RPP25: variants seen among roughly 807,000 people sequenced by gnomAD.
The protein encoded by RPP25 is ribonuclease P/MRP subunit p25.
In RPP25, 2 loss-of-function variants were observed where a neutral mutation model predicts 4.4. That is an observed-to-expected ratio of 0.45 (90% CI 0.19 to 1.43). The LOEUF is 1.43. RPP25 is among the 40% of genes most tolerant of loss of function. The pLI is 0.26. For missense variants in RPP25, 319 were observed against 293.8 expected (o/e 1.09, Z -0.63); for synonymous variants, 144 against 136.2 (o/e 1.06, Z -0.40).
Position 74,956,586 on chromosome 15 carries a change from G to C in RPP25, c.-3C>G. The C allele has an allele frequency of 6.9e-7, 1 of 1,444,602 alleles. No individual in the cohort carries two copies. Among genetic ancestry groups the C allele is most frequent in the African/African-American group, 1.5e-5 (1 of 66,908 alleles). The allele number at this position is 1,444,602 out of a possible 1,614,324, so 89.5% of individuals were successfully genotyped here. ...CGCACCTTACGGAAGTTCTCCATGC[G>C]CCGTCGTCGCCGGGACCGCCGGCTT... On this transcript the variant is annotated 5_prime_UTR_variant, in exon 1 of 1. Coordinates refer to ENST00000322177, the MANE Select transcript of RPP25 (RefSeq NM_017793.3).
rs1212354360 is a variant in RPP25, at chr15:74,956,486, G to A, written c.98C>T (p.Pro33Leu). The change falls in exon 1 of 1, where the codon CCG becomes CTG. Residue 33 changes from proline to leucine, a missense_variant. Transcript: ENST00000322177. ...PGSGPFADLA[P>L]GAVHMRVKEG... ...CTTGACCCGCATGTGCACCGCGCCC[G>A]GCGCCAGGTCTGCGAAGGGGCCGGA... 1.3e-6 allele frequency: 2 copies of A among 1,549,478 alleles called. No homozygotes were observed. Among genetic ancestry groups the A allele is most frequent in the Non-Finnish European group, 1.7e-6 (2 of 1,150,670 alleles).
rs2065466213 is a variant in RPP25 at position 74,955,868 on chromosome 15, G to A, written c.*116C>T. ...AGGTCCATGCTACCTGTCTTGAGGAGCTGTGTCCAGGTTGTGGGCTCCGGA... is the reference window on the plus strand; with the variant it reads ...AGGTCCATGCTACCTGTCTTGAGGAACTGTGTCCAGGTTGTGGGCTCCGGA... On this transcript the variant is annotated 3_prime_UTR_variant, in exon 1 of 1. Coordinates refer to ENST00000322177, the MANE Select transcript of RPP25 (RefSeq NM_017793.3). 7.1e-7 allele frequency: 1 copy of A among 1,398,916 alleles called. No homozygotes were observed. The highest frequency in any genetic ancestry group is 2.2e-5 in the Admixed American group (1 of 45,020). 86.7% of individuals were successfully genotyped at this position (1,398,916 alleles called of 1,614,324 possible). A position where few individuals can be genotyped will look rare whatever the true frequency, so the allele number is the denominator to read the frequency against.
At position 74,956,051 on chromosome 15, in the gene RPP25, G is replaced by C. The variant is rs377390980; in HGVS notation, c.533C>G (p.Ala178Gly). The C allele has an allele frequency of 2.5e-5, 40 of 1,611,270 alleles. No individual in the cohort carries two copies. The highest frequency in any genetic ancestry group is 3.3e-5 in the Non-Finnish European group (39 of 1,179,440). Residue 178 changes from alanine to glycine, a missense_variant, in exon 1 of 1, where the codon GCT becomes GGT. By Grantham distance (60) the Ala-to-Gly change is moderately conservative (BLOSUM62 0). Coordinates refer to ENST00000322177, the MANE Select transcript of RPP25 (RefSeq NM_017793.3). ...CGATCGCTTCGCGGAGCCTTCTCCA[G>C]CTGCGGGTTCCCCTAGGCTCCTCTT... ...ASKRSLGEPA[A>G]GEGSAKRSQP...
chr15:74,956,240 T>A lies in RPP25; in HGVS notation c.344A>T (p.Gln115Leu), dbSNP rs1330998198. 1 of 1,572,508 alleles carries A rather than the reference T, an allele frequency of 6.4e-7. No homozygotes were observed. The highest frequency in any genetic ancestry group is 8.6e-7 in the Non-Finnish European group (1 of 1,159,130). Reference sequence around the variant, plus strand: ...GGCCGGCTCGCCAGGCGTCTGACCCTGCGTGGGCCCAGGCGGGAGGCTCTG... The same window carrying A: ...GGCCGGCTCGCCAGGCGTCTGACCCAGCGTGGGCCCAGGCGGGAGGCTCTG... The part of the protein sequence containing the change: ...VWQSLPPGPT[Q>L]GQTPGEPAAS... Residue 115 changes from glutamine to leucine, a missense_variant, in exon 1 of 1, where the codon CAG (glutamine) becomes CTG (leucine). Physicochemically the swap from Gln to Leu is moderately radical, Grantham distance 113. Transcript: ENST00000322177.
At position 74,956,298 on chromosome 15, in the gene RPP25, G is replaced by T; in HGVS notation, c.286C>A (p.Arg96=). ...TCGCGTACGCTCCGGTAGCGCAGCC[G>T]CGTGACCTGGTGCAGGCCCGCCAGG... is the stretch of plus-strand genomic sequence containing the variant. The part of the protein sequence containing the change: ...RRLAGLHQVT[R]LRYRSVREVW... Residue 96 remains arginine (R), a synonymous_variant, in exon 1 of 1, where the codon CGG becomes AGG. Coordinates refer to ENST00000322177, the MANE Select transcript of RPP25 (RefSeq NM_017793.3). The T allele has an allele frequency of 1.2e-6, 2 of 1,600,146 alleles. No individual in the cohort carries two copies. Among genetic ancestry groups the T allele is most frequent in the African/African-American group, 2.7e-5 (2 of 74,940 alleles).
At position 74,956,368 on chromosome 15, in the gene RPP25, C is replaced by A; in HGVS notation, c.216G>T (p.Arg72=). The change falls in exon 1 of 1, where the codon CGG becomes CGT. Residue 72 remains arginine, a synonymous_variant. Transcript: ENST00000322177. Reference sequence around the variant, plus strand: ...CGCACGTGACGGTTTTGGTGGTGGCCCGGCCGCAGCCGCTGAAGACGATGG... The same window carrying A: ...CGCACGTGACGGTTTTGGTGGTGGCACGGCCGCAGCCGCTGAAGACGATGG... The part of the protein sequence containing the change: ...TRAIVFSGCG[R]ATTKTVTCAE... 6.2e-7 allele frequency: 1 copy of A among 1,602,644 alleles called. No individual in the cohort carries two copies. The highest frequency in any genetic ancestry group is 8.5e-7 in the Non-Finnish European group (1 of 1,178,512).
chr15:74,955,797 G>A lies in RPP25; in HGVS notation c.*187C>T, dbSNP rs2065465733. On this transcript the variant is annotated 3_prime_UTR_variant, in exon 1 of 1. Transcript: ENST00000322177. ...CGCACGAAGTTTCCCTAGGGTGGTC[G>A]GGGATCCTCTCCTGCCACTCCTGGG... The A allele has an allele frequency of 7.1e-6, 5 of 707,782 alleles. No individual in the cohort carries two copies. Among genetic ancestry groups the A allele is most frequent in the Non-Finnish European group, 1.1e-5 (5 of 438,596 alleles). The allele number at this position is 707,782 out of a possible 1,614,324, so 43.8% of individuals were successfully genotyped here.
Position 74,955,894 on chromosome 15 carries a change from G to A in RPP25, c.*90C>T, listed in dbSNP as rs2065467255. 6.5e-7 allele frequency: 1 copy of A among 1,534,354 alleles called. No homozygotes were observed. The highest frequency in any genetic ancestry group is 8.8e-7 in the Non-Finnish European group (1 of 1,135,842). On this transcript the variant is annotated 3_prime_UTR_variant, in exon 1 of 1. Coordinates refer to ENST00000322177, the MANE Select transcript of RPP25 (RefSeq NM_017793.3). ...CTGTGTCCAGGTTGTGGGCTCCGGA[G>A]GACCGAGGAGTGAAAGGCTGGAGGT... is the stretch of plus-strand genomic sequence containing the variant.
chr15:74,956,086 C>A lies in RPP25; in HGVS notation c.498G>T (p.Ala166=), dbSNP rs1274911669. ...PHPGPSSPPA[A]PASKRSLGEP... is the part of the protein sequence containing the mutation. ...CCCCTAGGCTCCTCTTGGACGCTGGCGCGGCTGGCGGGGACGAGGGACCAG... is the reference window on the plus strand; with the variant it reads ...CCCCTAGGCTCCTCTTGGACGCTGGAGCGGCTGGCGGGGACGAGGGACCAG... The change falls in exon 1 of 1, where the codon GCG becomes GCT. Residue 166 remains alanine, a synonymous_variant. Transcript: ENST00000322177. 3 of 1,609,982 alleles carry A rather than the reference C, an allele frequency of 1.9e-6. No individual in the cohort carries two copies. Among genetic ancestry groups the A allele is most frequent in the Non-Finnish European group, 2.5e-6 (3 of 1,178,964 alleles).
In RPP25 at chr15:74,954,697, G is replaced by A. The variant is rs1432016794; in HGVS notation, c.*1287C>T. ...AGGGCTGGAGGCAGCAGCTTATCAG[G>A]AGGCCTGCAGTGATTCACAGCCCAA... On this transcript the variant is annotated 3_prime_UTR_variant, in exon 1 of 1. Transcript: ENST00000322177. 5 of 152,202 alleles carry A rather than the reference G, an allele frequency of 3.3e-5. No individual in the cohort carries two copies. The highest frequency in any genetic ancestry group is 1.2e-4 in the African/African-American group (5 of 41,432). The allele number at this position is 152,202 out of a possible 1,614,324, so 9.4% of individuals were successfully genotyped here. A position where few individuals can be genotyped will look rare whatever the true frequency, so the allele number is the denominator to read the frequency against.
In RPP25 at chr15:74,955,971, A is replaced by AGTTT. The variant is rs1381283845; in HGVS notation, c.*12_*13insAAAC. 6 of 1,612,352 alleles carry AGTTT rather than the reference A, an allele frequency of 3.7e-6. No individual in the cohort carries two copies. Among genetic ancestry groups the AGTTT allele is most frequent in the Non-Finnish European group, 5.1e-6 (6 of 1,179,794 alleles). ...AAGATCCTGCCGGACTAGGTGGCCC[A>AGTTT]CAGTCCGGAGTTTCAGGCCGTCTGA... On this transcript the variant is annotated 3_prime_UTR_variant, in exon 1 of 1. Transcript: ENST00000322177.
At position 74,956,048 on chromosome 15, in the gene RPP25, C is replaced by T; in HGVS notation, c.536G>A (p.Gly179Glu). ...SKRSLGEPAA[G>E]EGSAKRSQPE... ...TTGCGATCGCTTCGCGGAGCCTTCT[C>T]CAGCTGCGGGTTCCCCTAGGCTCCT... Residue 179 changes from glycine to glutamate, a missense_variant, in exon 1 of 1, where the codon GGA becomes GAA. Transcript: ENST00000322177. 1 of 1,611,488 alleles carries T rather than the reference C, an allele frequency of 6.2e-7. No homozygotes were observed. The highest frequency in any genetic ancestry group is 8.5e-7 in the Non-Finnish European group (1 of 1,179,460).
In RPP25 at chr15:74,956,652, G is replaced by A. The variant is rs1342763552; in HGVS notation, c.-69C>T. On this transcript the variant is annotated 5_prime_UTR_variant, in exon 1 of 1. Coordinates refer to ENST00000322177, the MANE Select transcript of RPP25 (RefSeq NM_017793.3). Reference sequence around the variant, plus strand: ...TCAGCCCCGGGGCTGCATGGCCGCCGGTCGCGCCTTGCAAGGGCCAGCAGG... The same window carrying A: ...TCAGCCCCGGGGCTGCATGGCCGCCAGTCGCGCCTTGCAAGGGCCAGCAGG... 2.9e-6 allele frequency: 4 copies of A among 1,374,120 alleles called. No individual in the cohort carries two copies. The highest frequency in any genetic ancestry group is 3.8e-5 in the Admixed American group (1 of 26,476). The allele number at this position is 1,374,120 out of a possible 1,614,324, so 85.1% of individuals were successfully genotyped here.
Position 74,955,701 on chromosome 15 carries a change from TC to T in RPP25, c.*282del. 1 of 487,452 alleles carries T rather than the reference TC, an allele frequency of 2.1e-6. No individual in the cohort carries two copies. 30.2% of individuals were successfully genotyped at this position (487,452 alleles called of 1,614,324 possible). A position where few individuals can be genotyped will look rare whatever the true frequency, so the allele number is the denominator to read the frequency against. Reference sequence around the variant, plus strand: ...TCCAGAATCCCACTGTCCACCATTCTCCCCCAAAGAAGGTCCCAGAAAAGGT... The same window carrying T: ...TCCAGAATCCCACTGTCCACCATTCTCCCCAAAGAAGGTCCCAGAAAAGGT... On this transcript the variant is annotated 3_prime_UTR_variant, in exon 1 of 1. Coordinates refer to ENST00000322177, the MANE Select transcript of RPP25 (RefSeq NM_017793.3).
At position 74,955,910 on chromosome 15, in the gene RPP25, G is replaced by A. The variant is rs1234968395; in HGVS notation, c.*74C>T. 1.9e-6 allele frequency: 3 copies of A among 1,584,596 alleles called. No homozygotes were observed. The highest frequency in any genetic ancestry group is 1.1e-5 in the South Asian group (1 of 87,418). ...GGCTCCGGAGGACCGAGGAGTGAAA[G>A]GCTGGAGGTACATCTGAAGGTGGAG... On this transcript the variant is annotated 3_prime_UTR_variant, in exon 1 of 1. Coordinates refer to ENST00000322177, the MANE Select transcript of RPP25 (RefSeq NM_017793.3).
chr15:74,956,517 G>T lies in RPP25; in HGVS notation c.67C>A (p.Pro23Thr). The change falls in exon 1 of 1, where the codon CCG becomes ACG. Residue 23 changes from proline (P) to threonine (T), a missense_variant. By Grantham distance (38) the Pro-to-Thr change is conservative. Coordinates refer to ENST00000322177, the MANE Select transcript of RPP25 (RefSeq NM_017793.3). Reference sequence around the variant, plus strand: ...AGGTCTGCGAAGGGGCCGGAGCCCGGGCCGCCTCCCTCGGCCCCGCACCCC... The same window carrying T: ...AGGTCTGCGAAGGGGCCGGAGCCCGTGCCGCCTCCCTCGGCCCCGCACCCC... Reference protein sequence around the residue: ...PAGCGAEGGGPGSGPFADLAP... With the variant: ...PAGCGAEGGGTGSGPFADLAP... 1 of 1,532,216 alleles carries T rather than the reference G, an allele frequency of 6.5e-7. No homozygotes were observed. 94.9% of individuals were successfully genotyped at this position (1,532,216 alleles called of 1,614,324 possible). A position where few individuals can be genotyped will look rare whatever the true frequency, so the allele number is the denominator to read the frequency against.
At position 74,956,257 on chromosome 15, in the gene RPP25, G is replaced by A. The variant is rs2065469902; in HGVS notation, c.327C>T (p.Leu109=). ...TCTGACCCTGCGTGGGCCCAGGCGGGAGGCTCTGCCACACCTCGCGTACGC... is the reference window on the plus strand; with the variant it reads ...TCTGACCCTGCGTGGGCCCAGGCGGAAGGCTCTGCCACACCTCGCGTACGC... ...YRSVREVWQS[L]PPGPTQGQTP... is the part of the protein sequence containing the mutation. Residue 109 remains leucine, a synonymous_variant, in exon 1 of 1, where the codon CTC becomes CTT. Transcript: ENST00000322177. 7 of 1,581,278 alleles carry A rather than the reference G, an allele frequency of 4.4e-6. No homozygotes were observed. The highest frequency in any genetic ancestry group is 2.3e-5 in the East Asian group (1 of 43,574).
In RPP25 at chr15:74,956,509, GGAGCCCGGGCCGCCTCCCTCGGCCCC is replaced by G; in HGVS notation, c.49_74del (p.Gly17ArgfsTer100). ...CCGGCGCCAGGTCTGCGAAGGGGCC[GGAGCCCGGGCCGCCTCCCTCGGCCCC>G]GCACCCCGCTGGCGCCTCTTCGGAG... On this transcript the variant is annotated frameshift_variant, in exon 1 of 1. Coordinates refer to ENST00000322177, the MANE Select transcript of RPP25 (RefSeq NM_017793.3). LOFTEE classifies it high-confidence loss of function. 1.3e-6 allele frequency: 2 copies of G among 1,535,804 alleles called. No individual in the cohort carries two copies. The highest frequency in any genetic ancestry group is 1.7e-6 in the Non-Finnish European group (2 of 1,144,916).
In RPP25 at chr15:74,956,742, C is replaced by T. The variant is rs1223456379; in HGVS notation, c.-159G>A. 1.2e-6 allele frequency: 1 copy of T among 844,048 alleles called. No homozygotes were observed. Among genetic ancestry groups the T allele is most frequent in the Non-Finnish European group, 1.6e-6 (1 of 618,622 alleles). 52.3% of individuals were successfully genotyped at this position (844,048 alleles called of 1,614,324 possible). On this transcript the variant is annotated 5_prime_UTR_variant, in exon 1 of 1. In the 5' UTR this introduces an upstream ATG that the reference lacks. Transcript: ENST00000322177. ...CTGGGACGGCGCGATCTCGGCCCCA[C>T]TTCTCTCGAGCGGGCGCCGCTCTAC... is the stretch of plus-strand genomic sequence containing the variant.
Sources: allele counts gnomAD v4.1 joint callset, GRCh38; gene constraint gnomAD v4.1.1; transcripts MANE v1.5; gene names NCBI Gene and HGNC (gene_info 2026-07-23, HGNC 2026-07-21).